DNM3: variants seen among roughly 807,000 people sequenced by gnomAD.
DNM3 encodes dynamin 3.
A neutral mutation model predicts 101.6 loss-of-function variants in DNM3; 47 were observed. The observed-to-expected ratio is 0.46, with a 90% CI of 0.37 to 0.59. DNM3 has a LOEUF of 0.59. Ranked by LOEUF, DNM3 falls within the 20% of genes least tolerant of loss-of-function variation. The pLI is 0.00. For missense variants in DNM3, 849 were observed against 1,085.7 expected, an observed-to-expected ratio of 0.78 and a Z score of 3.06; for synonymous variants, 385 against 387.9, an observed-to-expected ratio of 0.99 and a Z score of 0.09.
At chr1:171,910,792 TTGTCC>T (rs985099404) in intron 1 of DNM3, among the ~76,000 whole-genome samples, 78 of 152,324 alleles carry the variant, frequency 5.1e-4, no homozygotes, top group African/African-American at 1.7e-3. Flanking sequence ...ATGAGCAAGG[TTGTCC>T]TGTCCTAAGA....
intron 14 of DNM3, among the ~76,000 whole-genome samples, chr1:172,238,168 C>G (rs966908905): frequency 6.6e-6 from 1 of 152,150 alleles, no homozygotes; most frequent in African/African-American, 2.4e-5. Flanking sequence ...ATCTCTTTTA[C>G]TAATTTTTAT....
At chr1:172,101,224 G>A (rs987731451) in intron 13 of DNM3, among the ~76,000 whole-genome samples, 7 of 152,172 alleles carry the variant, frequency 4.6e-5, no homozygotes, top group Non-Finnish European at 8.8e-5. Context: ...TGTGTATGTT[G>A]TCTTTTTAAA....
chr1:172,406,333 G>T (rs1287108591), intron 20 of DNM3, among the ~76,000 whole-genome samples: 3 of 151,968 alleles, frequency 2.0e-5, no homozygotes, highest in Non-Finnish European at 4.4e-5. Flanking sequence ...AGTTAAGTGG[G>T]TGTGACCTGC....
intron 14 of DNM3, among the ~76,000 whole-genome samples, chr1:172,244,249 T>C (rs2061859383): frequency 6.6e-6 from 1 of 152,074 alleles, no homozygotes; most frequent in Admixed American, 6.6e-5. Flanking sequence ...CCACATTTTC[T>C]TAATCCAGTC....
In DNM3 at chr1:171,983,769, T is replaced by G. The variant is rs893836371; in HGVS notation, c.236-3887T>G. Among the ~76,000 whole-genome samples, 4 of 152,216 alleles carry G rather than the reference T, an allele frequency of 2.6e-5. No individual in the cohort carries two copies. In the East Asian group the frequency reaches 7.7e-4, roughly 29 times the overall value. ...AAAAGCTGCCCTTTCCTCAAGCACATGACTGCCATCTTCTGGAAATTTTTC... is the reference window on the plus strand; with the variant it reads ...AAAAGCTGCCCTTTCCTCAAGCACAGGACTGCCATCTTCTGGAAATTTTTC... On this transcript the variant is annotated intron_variant, in intron 2 of 20. Transcript: ENST00000627582.
At chr1:172,354,989 C>T (rs914310494) in intron 17 of DNM3, among the ~76,000 whole-genome samples, 1 of 152,136 alleles carries the variant, frequency 6.6e-6, no homozygotes, top group Non-Finnish European at 1.5e-5. Context: ...TCTCGGCTTG[C>T]ACTGTGAATG....
intron 1 of DNM3, among the ~76,000 whole-genome samples, chr1:171,894,657 G>A (rs4916408): frequency 0.57 from 87,088 of 151,854 alleles, 25,105 homozygotes; most frequent in East Asian, 0.67. Flanking sequence ...ACATAGGTAT[G>A]CATGTGCCAT....
At chr1:172,070,889 A>C (rs894859277) in intron 11 of DNM3, among the ~76,000 whole-genome samples, 3 of 151,418 alleles carry the variant, frequency 2.0e-5, no homozygotes, top group African/African-American at 7.3e-5. Context: ...GGAGTTCGAG[A>C]CCAGGCTGGG....
intron 17 of DNM3, among the ~76,000 whole-genome samples, chr1:172,350,598 A>T (rs2067160650): frequency 6.6e-6 from 1 of 152,202 alleles, no homozygotes; most frequent in Non-Finnish European, 1.5e-5. Flanking sequence ...TAAAGTATCT[A>T]GATAATCTTT....
intron 14 of DNM3, among the ~76,000 whole-genome samples, chr1:172,252,492 C>A (rs571194137): frequency 6.6e-6 from 1 of 152,216 alleles, no homozygotes; most frequent in Non-Finnish European, 1.5e-5. Context: ...CACGTATTTC[C>A]CATGGGCATT....
intron 4 of DNM3, among the ~76,000 whole-genome samples, chr1:171,998,857 A>G (rs905459457): frequency 1.3e-5 from 2 of 152,060 alleles, no homozygotes; most frequent in African/African-American, 4.8e-5. Flanking sequence ...AGGGGACAGT[A>G]AGCACAAAGG....
At chr1:172,037,583 A>T (rs2049061853) in intron 6 of DNM3, among the ~76,000 whole-genome samples, 1 of 152,144 alleles carries the variant, frequency 6.6e-6, no homozygotes, top group Admixed American at 6.6e-5. Flanking sequence ...AGGCTGTAAG[A>T]CCTAAACAAT....
intron 10 of DNM3, among the ~76,000 whole-genome samples, chr1:172,067,968 A>G (rs1322372061): frequency 6.6e-6 from 1 of 152,190 alleles, no homozygotes; most frequent in Non-Finnish European, 1.5e-5. Flanking sequence ...TGAACCAACC[A>G]TTTTTGAGCT....
chr1:171,865,086 T>G (rs1399127666), intron 1 of DNM3, among the ~76,000 whole-genome samples: 1 of 152,184 alleles, frequency 6.6e-6, no homozygotes, highest in Non-Finnish European at 1.5e-5. Context: ...AAATTTAAAT[T>G]TATTTATGTC....
At chr1:171,937,527 T>C (rs188103942) in intron 2 of DNM3, among the ~76,000 whole-genome samples, 1 of 152,228 alleles carries the variant, frequency 6.6e-6, no homozygotes, top group Non-Finnish European at 1.5e-5. Context: ...CCTGGGAGGT[T>C]TGATTCATGA....
chr1:172,204,401 T>C (rs2060258140), intron 14 of DNM3, among the ~76,000 whole-genome samples: 1 of 152,140 alleles, frequency 6.6e-6, no homozygotes, highest in African/African-American at 2.4e-5. Flanking sequence ...CAATTATTTT[T>C]GTATTTCCAG....
At chr1:172,366,532 A>C (rs1157227588) in intron 17 of DNM3, 4 of 152,052 alleles carry the variant, frequency 2.6e-5, no homozygotes, top group African/African-American at 9.6e-5. Context: ...TTAGAAAATC[A>C]TTCATGGGTG....
chr1:172,381,472 T>C (rs762859991), intron 18 of DNM3, among the ~76,000 whole-genome samples: 5 of 150,976 alleles, frequency 3.3e-5, no homozygotes, highest in African/African-American at 7.3e-5. Context: ...TAAACATATA[T>C]AAAAAGGTAT....
intron 14 of DNM3, among the ~76,000 whole-genome samples, chr1:172,176,949 C>T (rs1054017070): frequency 1.5e-4 from 23 of 151,446 alleles, no homozygotes; most frequent in Non-Finnish European, 2.7e-4. Context: ...GATATTGTAA[C>T]GAAAGCCTGC....
Sources: gnomAD v4.1 joint callset for allele counts (sites outside exome capture counted in the v4.1 genomes callset) on GRCh38, gnomAD v4.1.1 for gene constraint, MANE v1.5 for transcripts, NCBI Gene and HGNC (gene_info 2026-07-23, HGNC 2026-07-21) for gene names.